DOK4: variants seen among roughly 807,000 people sequenced by gnomAD.
DOK4 encodes docking protein 4.
DOK4 carries 26 observed loss-of-function variants against 40.1 expected under a neutral mutation model. The ratio of observed to expected loss-of-function variants is 0.65; its 90% CI spans 0.48 to 0.90. The LOEUF is 0.90. Among genes scored for constraint, DOK4 ranks in the 40% least tolerant of loss-of-function variants. The probability of loss-of-function intolerance (pLI) is 0.00; values close to 1 mark genes in which losing one functional copy is unlikely to be tolerated. For synonymous variants in DOK4, 179 were observed against 177.0 expected, an observed-to-expected ratio of 1.01 and a Z score of -0.09; for missense variants, 392 against 437.2, an observed-to-expected ratio of 0.90 and a Z score of 0.92.
In DOK4 at chr16:57,477,555, G is replaced by C. The variant is rs188689088; in HGVS notation, c.67-1598C>G. Among the ~76,000 whole-genome samples the C allele has an allele frequency of 1.6e-3, 245 of 152,360 alleles. 3 individuals are homozygous for C. In the East Asian group the frequency reaches 0.034, roughly 21 times the overall value. On this transcript the variant is annotated intron_variant, in intron 2 of 8. Coordinates refer to ENST00000340099, the Ensembl canonical transcript of DOK4. ...CAGGGTGGGCTCCATGCAGCCCGCA[G>C]CATCAGGGGCAGAAGGCCTGGGGGC... is the stretch of plus-strand genomic sequence containing the variant.
At chr16:57,472,393 T>A (rs1331185832) in exon 9 of DOK4, 1 of 152,704 alleles carries the variant, frequency 6.5e-6, no homozygotes, top group Admixed American at 6.5e-5. Context: ...GAAAATCAAT[T>A]GCTTTAATTG....
At chr16:57,482,795 T>G (rs1285900195) in intron 1 of DOK4, among the ~76,000 whole-genome samples, 4 of 152,200 alleles carry the variant, frequency 2.6e-5, no homozygotes, top group Admixed American at 1.3e-4. Flanking sequence ...CCAGAGCTTC[T>G]GCCTTGAAAA....
intron 3 of DOK4, 93 bp from the exon 4 acceptor site, chr16:57,475,713 C>CCTCT: frequency 1.7e-6 from 1 of 605,300 alleles, no homozygotes; most frequent in Non-Finnish European, 2.7e-6. Context: ...TCCCTCTCTC[C>CCTCT]CCCCTCCTCC....
intron 6 of DOK4, 99 bp from the exon 7 acceptor site, chr16:57,474,138 C>T: frequency 6.5e-7 from 1 of 1,537,152 alleles, no homozygotes; most frequent in Non-Finnish European, 8.8e-7. Flanking sequence ...GGTTGCATTC[C>T]AGGCCGGGAG....
chr16:57,477,038 C>G (rs1282666469), intron 2 of DOK4, among the ~76,000 whole-genome samples: 11 of 152,218 alleles, frequency 7.2e-5, no homozygotes, highest in African/African-American at 2.4e-4. Context: ...CCCGACAGAG[C>G]CTGTTCCCCA....
At chr16:57,475,437 G>T in intron 4 of DOK4, 69 bp downstream of exon 4, 1 of 1,461,772 alleles carries the variant, frequency 6.8e-7, no homozygotes. Context: ...TGCTCTGCCC[G>T]CTCCTAGCTG....
chr16:57,473,789 G>A, intron 7 of DOK4, 53 bp from the exon 8 acceptor site: 1 of 1,588,390 alleles, frequency 6.3e-7, no homozygotes, highest in Non-Finnish European at 8.6e-7. Flanking sequence ...GTATCCCTGA[G>A]CAGCCACCCC....
At position 57,479,384 on chromosome 16, in the gene DOK4, C is replaced by T; in HGVS notation, c.66+58G>A. ...ACGCGCCATGCCTCCAAGCCTGGGA[C>T]CGAGTCCTCGGGCCCCCATCCCTTG... is the stretch of plus-strand genomic sequence containing the variant. On this transcript the variant is annotated intron_variant, in intron 2 of 8. Coordinates refer to ENST00000340099, the Ensembl canonical transcript of DOK4. The surrounding 1 kb of genome is among the most constrained non-coding windows in gnomAD (Gnocchi z 5.8). The T allele has an allele frequency of 1.3e-6, 2 of 1,595,638 alleles. No homozygotes were observed. The highest frequency in any genetic ancestry group is 1.3e-5 in the African/African-American group (1 of 74,746).
Position 57,479,432 on chromosome 16 carries a change from G to C in DOK4, c.66+10C>G. The C allele has an allele frequency of 6.2e-7, 1 of 1,613,344 alleles. No individual in the cohort carries two copies. Among genetic ancestry groups the C allele is most frequent in the Middle Eastern group, 1.7e-4 (1 of 6,060 alleles). On this transcript the variant is annotated intron_variant, in intron 2 of 8. Coordinates refer to ENST00000340099, the Ensembl canonical transcript of DOK4. The surrounding 1 kb of genome is among the most constrained non-coding windows in gnomAD (Gnocchi z 5.8). ...TTGGCAGGGCCCCTCCGCAGCTCAGGGTCACTCACCCCGAGCTTCCTGCTC... is the reference window on the plus strand; with the variant it reads ...TTGGCAGGGCCCCTCCGCAGCTCAGCGTCACTCACCCCGAGCTTCCTGCTC...
intron 2 of DOK4, 115 bp from the exon 3 acceptor site, chr16:57,476,072 A>G (rs1472956218): frequency 6.9e-6 from 6 of 868,656 alleles, no homozygotes; most frequent in African/African-American, 5.0e-5. Flanking sequence ...CCTTCCCTGG[A>G]GCCCCAGCCT....
chr16:57,473,416 G>T, exon 9 of DOK4: 2 of 1,614,108 alleles, frequency 1.2e-6, no homozygotes, highest in Non-Finnish European at 1.7e-6. Context: ...TGTCCCCCTG[G>T]CTGGGCTTTG....
Position 57,475,236 on chromosome 16 carries a change from T to TG in DOK4, c.290-18_290-17insC, listed in dbSNP as rs751744842. Reference sequence around the variant, plus strand: ...CCTCTAGCTCTGAAGAAAATGCTACTTCATCATGCAGCTCCAGAGCCCGGT... The same window carrying TG: ...CCTCTAGCTCTGAAGAAAATGCTACTGTCATCATGCAGCTCCAGAGCCCGGT... On this transcript the variant is annotated splice_polypyrimidine_tract_variant and intron_variant, in intron 4 of 8. Coordinates refer to ENST00000340099, the Ensembl canonical transcript of DOK4. The TG allele has an allele frequency of 6.2e-7, 1 of 1,609,216 alleles. No homozygotes were observed. Among genetic ancestry groups the TG allele is most frequent in the East Asian group, 2.2e-5 (1 of 44,804 alleles).
chr16:57,473,756 G>T lies in DOK4; in HGVS notation c.739-20C>A, dbSNP rs202222505. On this transcript the variant is annotated intron_variant, in intron 7 of 8. Transcript: ENST00000340099. The stretch of plus-strand genomic sequence containing the variant: ...CAGCAGCTGTGGGGCAAAGGAAGGG[G>T]TCACTCCCATTAGTGGCTTACAGTA... 32 of 1,602,630 alleles carry T rather than the reference G, an allele frequency of 2.0e-5. No individual in the cohort carries two copies. Among genetic ancestry groups the T allele is most frequent in the Admixed American group, 1.5e-4 (9 of 59,452 alleles).
At position 57,474,780 on chromosome 16, in the gene DOK4, G is replaced by A. The variant is rs117641927; in HGVS notation, c.599+13C>T. ...CCATAGTAGGACAGGGCTGGGAGGC[G>A]AGAGGGTCCTACCGGCCAGCCTCGA... On this transcript the variant is annotated intron_variant, in intron 6 of 8. Coordinates refer to ENST00000340099, the Ensembl canonical transcript of DOK4. 50,457 of 1,612,288 alleles carry A rather than the reference G, an allele frequency of 0.031. 1,216 individuals are homozygous for A. The highest frequency in any genetic ancestry group is 0.098 in the East Asian group (4,392 of 44,792).
chr16:57,484,512 C>G (rs1027629929), intron 1 of DOK4, among the ~76,000 whole-genome samples: 1 of 152,200 alleles, frequency 6.6e-6, no homozygotes, highest in African/African-American at 2.4e-5. Context: ...CCCATCTAGG[C>G]AGACAGGGAC....
intron 5 of DOK4, 44 bp from the exon 6 acceptor site, chr16:57,475,026 G>A: frequency 6.2e-7 from 1 of 1,600,474 alleles, no homozygotes; most frequent in Non-Finnish European, 8.5e-7. Context: ...AGTTGCCCCA[G>A]ATGGGGACTT....
intron 6 of DOK4, among the ~76,000 whole-genome samples, chr16:57,474,446 C>T (rs563172901): frequency 4.0e-5 from 6 of 151,008 alleles, no homozygotes; most frequent in South Asian, 2.1e-4. Flanking sequence ...TGAGGGGATA[C>T]CCAGTCTTCA....
At chr16:57,473,087 T>G in exon 9 of DOK4, 1 of 377,124 alleles carries the variant, frequency 2.7e-6, no homozygotes, top group East Asian at 4.5e-5. Flanking sequence ...TGGGGAAGGA[T>G]GGGGTGAGGG....
intron 6 of DOK4, 87 bp downstream of exon 6, chr16:57,474,706 A>G: frequency 6.7e-7 from 1 of 1,498,006 alleles, no homozygotes; most frequent in Non-Finnish European, 9.0e-7. Flanking sequence ...AAGTAAACCA[A>G]GCTCCTAGCA....
Sources: gnomAD v4.1 joint callset for allele counts (sites outside exome capture counted in the v4.1 genomes callset) on GRCh38, gnomAD v4.1.1 for gene constraint, Gnocchi (gnomAD v3.1) non-coding constraint, MANE v1.5 for transcripts, NCBI Gene and HGNC (gene_info 2026-07-23, HGNC 2026-07-21) for gene names.